Variants in ANK2 observed in about 807,000 individuals in gnomAD.
The protein encoded by ANK2 is ankyrin 2.
A neutral mutation model predicts 360.5 loss-of-function variants in ANK2; 83 were observed. That is an observed-to-expected ratio of 0.23 (90% CI 0.19 to 0.28). The LOEUF is 0.28. Among genes scored for constraint, ANK2 ranks in the 10% least tolerant of loss-of-function variants. The pLI is 1.00. For missense variants in ANK2, 4,201 were observed against 4,795.7 expected (o/e 0.88, Z 3.66); for synonymous variants, 1,740 against 1,759.5 (o/e 0.99, Z 0.28).
chr4:113,157,900 T>A (rs533554509), intron 1 of ANK2, among the ~76,000 whole-genome samples: 1 of 152,310 alleles, frequency 6.6e-6, no homozygotes, highest in East Asian at 1.9e-4. Flanking sequence ...TTTGGGAAGC[T>A]TAAGAAGATT....
At chr4:113,108,752 C>A (rs2093954702) in intron 1 of ANK2, among the ~76,000 whole-genome samples, 1 of 151,894 alleles carries the variant, frequency 6.6e-6, no homozygotes, top group Non-Finnish European at 1.5e-5. Context: ...GAAAAAAAAA[C>A]TCTACAGATG....
chr4:112,858,153 G>A (rs1196312827), intron 1 of ANK2, among the ~76,000 whole-genome samples: 1 of 152,054 alleles, frequency 6.6e-6, no homozygotes, highest in African/African-American at 2.4e-5. Flanking sequence ...TTAGTTAAAG[G>A]TGTCACTGAT....
At chr4:113,021,247 T>G (rs1484881447) in intron 2 of ANK2, among the ~76,000 whole-genome samples, 1 of 152,102 alleles carries the variant, frequency 6.6e-6, no homozygotes, top group Non-Finnish European at 1.5e-5. Flanking sequence ...CAGAGTGCCC[T>G]GTACTCTTGG....
At chr4:113,365,268 ACTGT>A in intron 41 of ANK2, 86 bp downstream of exon 41, 2 of 1,419,126 alleles carry the variant, frequency 1.4e-6, no homozygotes, top group Middle Eastern at 1.9e-4. Flanking sequence ...CACTGGACCT[ACTGT>A]CTTTTTTTTT....
At chr4:112,801,896 C>T in the ANK2 span, among the ~76,000 whole-genome samples, 2 of 151,248 alleles carry the variant, frequency 1.3e-5, no homozygotes, top group African/African-American at 4.9e-5. Flanking sequence ...GGAAAGATAA[C>T]TCTAGCTACG....
At chr4:112,803,078 G>A in the ANK2 span, among the ~76,000 whole-genome samples, 1 of 152,050 alleles carries the variant, frequency 6.6e-6, no homozygotes, top group East Asian at 1.9e-4. Context: ...ACTGATTTAG[G>A]AAGACTGTCT....
chr4:113,145,690 C>A, intron 1 of ANK2: 2 of 1,140,438 alleles, frequency 1.8e-6, no homozygotes, highest in South Asian at 2.0e-5. Context: ...TGAGTTCTCT[C>A]TGACACCAGC....
chr4:113,267,045 T>C (rs1213176843), intron 14 of ANK2, among the ~76,000 whole-genome samples: 1 of 152,226 alleles, frequency 6.6e-6, no homozygotes, highest in African/African-American at 2.4e-5. Flanking sequence ...CACATAAATA[T>C]CTTCTTTTGA....
At chr4:113,315,614 C>T (rs891760457) in intron 24 of ANK2, among the ~76,000 whole-genome samples, 2 of 152,106 alleles carry the variant, frequency 1.3e-5, no homozygotes, top group Non-Finnish European at 2.9e-5. Context: ...AGTTGCTGAT[C>T]TAGCCCGGGC....
chr4:112,947,493 A>G (rs1014866881), intron 2 of ANK2, among the ~76,000 whole-genome samples: 3 of 152,164 alleles, frequency 2.0e-5, no homozygotes, highest in Non-Finnish European at 4.4e-5. Flanking sequence ...TCAGACCATT[A>G]GAAGGTATAT....
chr4:112,991,018 A>G (rs1578479150), intron 2 of ANK2, among the ~76,000 whole-genome samples: 1 of 152,240 alleles, frequency 6.6e-6, no homozygotes, highest in Middle Eastern at 3.4e-3. Context: ...TTGGGAGGCC[A>G]AGGCGGGTGC....
chr4:112,785,481 C>A, the ANK2 span, among the ~76,000 whole-genome samples: 6 of 151,296 alleles, frequency 4.0e-5, no homozygotes, highest in Non-Finnish European at 4.4e-5. Context: ...TCAAGTGATT[C>A]TCCTGCCTCA....
At position 113,186,560 on chromosome 4, in the gene ANK2, G is replaced by GTC. The variant is rs932864935; in HGVS notation, c.187-9782_187-9781dup. Among the ~76,000 whole-genome samples the GTC allele has an allele frequency of 7.5e-3, 540 of 71,602 alleles. 10 individuals carry two copies. Among genetic ancestry groups the GTC allele is most frequent in the African/African-American group, 0.028 (287 of 10,328 alleles). 47.0% of individuals were successfully genotyped at this position (71,602 alleles called of 152,430 possible). A position where few individuals can be genotyped will look rare whatever the true frequency, so the allele number is the denominator to read the frequency against. ...CCTCCCCTCCTGGATATCTTCCCGT[G>GTC]TCTCTCTCTCTCTCTCTCTCTCTCT... On this transcript the variant is annotated intron_variant, in intron 2 of 45. Transcript: ENST00000357077.
At chr4:113,346,173 A>G (rs2094828238) in intron 35 of ANK2, 151 bp downstream of exon 35, 2 of 932,542 alleles carry the variant, frequency 2.1e-6, no homozygotes, top group East Asian at 5.4e-5. Context: ...GATTGAAAGC[A>G]TGTGTAATAA....
At position 113,357,903 on chromosome 4, in the gene ANK2, A is replaced by T. The variant is rs1328062601; in HGVS notation, c.9285A>T (p.Thr3095=). Residue 3095 remains threonine (T), a synonymous_variant, in exon 38 of 46, where the codon ACA becomes ACT. Transcript: ENST00000357077. ...CCCCAACTGAAGAGGGGACCCCAAC[A>T]AGTGAGCAAAACCCATTTCTGTTTC... The part of the protein sequence containing the change: ...ARTPTEEGTP[T]SEQNPFLFQE... 1 of 1,614,086 alleles carries T rather than the reference A, an allele frequency of 6.2e-7. No homozygotes were observed. The highest frequency in any genetic ancestry group is 1.1e-5 in the South Asian group (1 of 91,092).
intron 1 of ANK2, among the ~76,000 whole-genome samples, chr4:113,114,152 G>A (rs1416715081): frequency 1.3e-5 from 2 of 152,114 alleles, no homozygotes; most frequent in Non-Finnish European, 2.9e-5. Context: ...GATTTGAATA[G>A]TAAGAGCCCT....
chr4:112,835,948 A>G (rs1489086838), intron 1 of ANK2, among the ~76,000 whole-genome samples: 1 of 152,152 alleles, frequency 6.6e-6, no homozygotes, highest in East Asian at 1.9e-4. Flanking sequence ...TAATAAATAA[A>G]TAGACCTTAG....
intron 1 of ANK2, chr4:112,880,594 G>A (rs1413480309): frequency 6.6e-6 from 1 of 152,198 alleles, no homozygotes; most frequent in Non-Finnish European, 1.5e-5. Context: ...AATTAGAGAA[G>A]TTAGCTCCAG....
At chr4:113,048,272 A>C (rs62314884), upstream of ANK2, among the ~76,000 whole-genome samples, 12 of 48,012 alleles carry the variant, frequency 2.5e-4, no homozygotes, top group Non-Finnish European at 4.2e-4. Flanking sequence ...ATATATATAT[A>C]TATATTTTTT....
Sources: allele counts gnomAD v4.1 joint callset (sites outside exome capture counted in the v4.1 genomes callset), GRCh38; gene constraint gnomAD v4.1.1; transcripts MANE v1.5; gene names NCBI Gene and HGNC (gene_info 2026-07-23, HGNC 2026-07-21).